The following TCF12 variants were observed in gnomAD, a reference collection of about 807,000 sequenced individuals.
TCF12 encodes the protein transcription factor 12, also known as DNA-binding protein HTF4.
A neutral mutation model predicts 86.0 loss-of-function variants in TCF12; 45 were observed. The observed-to-expected ratio is 0.52, with a 90% CI of 0.41 to 0.67. TCF12 has a LOEUF of 0.67. TCF12 is among the 30% of genes least tolerant of loss of function. The pLI is 0.00. For missense variants in TCF12, 881 were observed against 859.9 expected (o/e 1.02, Z -0.31); for synonymous variants, 330 against 299.6 (o/e 1.10, Z -1.05).
intron 18 of TCF12, among the ~76,000 whole-genome samples, chr15:57,264,194 G>GTTTTTTTT (rs1567013145): frequency 1.3e-4 from 2 of 15,448 alleles, no homozygotes; most frequent in Non-Finnish European, 2.7e-4. Flanking sequence ...TCTTTTGTAA[G>GTTTTTTTT]CTTTTTTTTT....
chr15:57,039,140 CT>C (rs1233397307), intron 3 of TCF12, among the ~76,000 whole-genome samples: 3 of 152,044 alleles, frequency 2.0e-5, no homozygotes, highest in African/African-American at 7.2e-5. Flanking sequence ...CACTTGTTAC[CT>C]TTTTGATTTG....
intron 3 of TCF12, among the ~76,000 whole-genome samples, chr15:57,031,175 C>G (rs556843434): frequency 1.6e-4 from 24 of 152,190 alleles, no homozygotes; most frequent in African/African-American, 5.5e-4. Context: ...ATTTTTCTGC[C>G]TCTTACCTTT....
chr15:57,275,015 A>C (rs578228838), intron 19 of TCF12, among the ~76,000 whole-genome samples: 1 of 152,174 alleles, frequency 6.6e-6, no homozygotes, highest in Non-Finnish European at 1.5e-5. Context: ...TAACATTGGA[A>C]TTTCCAGTGG....
intron 5 of TCF12, among the ~76,000 whole-genome samples, chr15:57,155,970 G>T (rs1210447443): frequency 6.6e-6 from 1 of 152,182 alleles, no homozygotes; most frequent in African/African-American, 2.4e-5. Flanking sequence ...TACATAGGTA[G>T]AGGCTGTTGA....
chr15:56,993,927 A>G (rs2063573850), intron 3 of TCF12, among the ~76,000 whole-genome samples: 1 of 152,252 alleles, frequency 6.6e-6, no homozygotes, highest in South Asian at 2.1e-4. Context: ...AACATATACC[A>G]TCATGATAAT....
chr15:57,218,797 TC>T (rs1423477368), intron 8 of TCF12, among the ~76,000 whole-genome samples: 2 of 152,180 alleles, frequency 1.3e-5, no homozygotes, highest in Non-Finnish European at 2.9e-5. Context: ...TTCAAGATAA[TC>T]TATCTGATTT....
At chr15:57,179,763 A>C (rs2056206116) in intron 6 of TCF12, among the ~76,000 whole-genome samples, 1 of 152,116 alleles carries the variant, frequency 6.6e-6, no homozygotes, top group African/African-American at 2.4e-5. Flanking sequence ...GAAGCATCTC[A>C]GGTTTTCTTT....
At chr15:56,983,082 A>G (rs1403963317) in intron 3 of TCF12, among the ~76,000 whole-genome samples, 1 of 152,240 alleles carries the variant, frequency 6.6e-6, no homozygotes, top group Non-Finnish European at 1.5e-5. Context: ...TGTTAGAAAT[A>G]GTAGTAGCAG....
At chr15:57,053,780 G>T (rs2067799587) in intron 3 of TCF12, among the ~76,000 whole-genome samples, 2 of 152,112 alleles carry the variant, frequency 1.3e-5, no homozygotes, top group African/African-American at 4.8e-5. Flanking sequence ...GCCCTTTATT[G>T]CAAAAGTTTG....
chr15:57,197,919 G>A (rs1323568145), intron 8 of TCF12, 94 bp downstream of exon 8: 17 of 1,235,036 alleles, frequency 1.4e-5, no homozygotes, highest in Non-Finnish European at 2.0e-5. Context: ...ATTGATGCGA[G>A]TGGGCATACT....
intron 3 of TCF12, among the ~76,000 whole-genome samples, chr15:57,015,821 T>C (rs1165757982): frequency 6.6e-6 from 1 of 152,236 alleles, no homozygotes. Context: ...ATCTTACTTG[T>C]GGAGTTCCAA....
chr15:57,201,116 C>T (rs2057523103), intron 8 of TCF12, among the ~76,000 whole-genome samples: 2 of 152,074 alleles, frequency 1.3e-5, no homozygotes, highest in South Asian at 2.1e-4. Flanking sequence ...ATGAGATTCT[C>T]CACTTGCTTT....
In TCF12 at chr15:57,195,101, C is replaced by A. The variant is rs550672685; in HGVS notation, c.527-2672C>A. Among the ~76,000 whole-genome samples, 272 of 152,210 alleles carry A rather than the reference C, an allele frequency of 1.8e-3. 2 individuals are homozygous for A. Among genetic ancestry groups the A allele is most frequent in the Middle Eastern group, 6.8e-3 (2 of 294 alleles). On this transcript the variant is annotated intron_variant, in intron 7 of 20. Coordinates refer to ENST00000333725, the MANE Select transcript of TCF12 (RefSeq NM_207037.2). ...TATTTTTAGTAGAGAAGGGGTTTCACCATGTTGGCCAGGCTGGTCTCGAAC... is the reference window on the plus strand; with the variant it reads ...TATTTTTAGTAGAGAAGGGGTTTCAACATGTTGGCCAGGCTGGTCTCGAAC...
chr15:57,043,075 G>T (rs373545964), intron 3 of TCF12, among the ~76,000 whole-genome samples: 1 of 152,126 alleles, frequency 6.6e-6, no homozygotes, highest in Non-Finnish European at 1.5e-5. Flanking sequence ...ACAAGTGATA[G>T]AATTTTTTCT....
chr15:57,089,433 A>G (rs1170374838), intron 4 of TCF12, among the ~76,000 whole-genome samples: 1 of 152,192 alleles, frequency 6.6e-6, no homozygotes, highest in Non-Finnish European at 1.5e-5. Flanking sequence ...AGTCATTAGC[A>G]GTGGGAACAG....
intron 5 of TCF12, among the ~76,000 whole-genome samples, chr15:57,145,081 A>G (rs1195655286): frequency 2.6e-5 from 4 of 152,250 alleles, no homozygotes; most frequent in Non-Finnish European, 5.9e-5. Context: ...AAAGAAAATA[A>G]GAACATCCCT....
chr15:56,954,101 T>G (rs1304934144), intron 3 of TCF12, among the ~76,000 whole-genome samples: 1 of 152,166 alleles, frequency 6.6e-6, no homozygotes, highest in Non-Finnish European at 1.5e-5. Flanking sequence ...GCAATTTTGA[T>G]ATATTGGATT....
intron 4 of TCF12, among the ~76,000 whole-genome samples, chr15:57,089,430 A>G (rs1371327130): frequency 6.6e-6 from 1 of 152,196 alleles, no homozygotes; most frequent in African/African-American, 2.4e-5. Context: ...CCCAGTCATT[A>G]GCAGTGGGAA....
chr15:57,269,006 T>A (rs186330698), intron 18 of TCF12, among the ~76,000 whole-genome samples: 73 of 152,264 alleles, frequency 4.8e-4, no homozygotes, highest in African/African-American at 1.6e-3. Context: ...TTCTGTTGAT[T>A]TGGGGTGGAG....
Sources: gnomAD v4.1 joint callset for allele counts (sites outside exome capture counted in the v4.1 genomes callset) on GRCh38, gnomAD v4.1.1 for gene constraint, MANE v1.5 for transcripts, NCBI Gene and HGNC (gene_info 2026-07-23, HGNC 2026-07-21) for gene names.